Variants in ZNF804B observed in about 807,000 individuals in gnomAD.
ZNF804B encodes the protein zinc finger 804B.
ZNF804B carries 80 observed loss-of-function variants against 101.4 expected under a neutral mutation model. The observed-to-expected ratio is 0.79, with a 90% confidence interval of 0.66 to 0.95. ZNF804B has a LOEUF of 0.95. ZNF804B is among the 40% of genes least tolerant of loss of function. The pLI is 0.00. For synonymous variants in ZNF804B, 622 were observed against 558.8 expected (o/e 1.11, Z -1.59); for missense variants, 1,673 against 1,561.9 (o/e 1.07, Z -1.20).
chr7:88,861,308 T>C (rs942680640), intron 1 of ZNF804B, among the ~76,000 whole-genome samples: 8 of 152,042 alleles, frequency 5.3e-5, no homozygotes, highest in African/African-American at 1.7e-4. Flanking sequence ...AACATTTCCA[T>C]GGAATTAAAG....
intron 1 of ZNF804B, among the ~76,000 whole-genome samples, chr7:89,217,792 A>G (rs1462492666): frequency 6.6e-6 from 1 of 152,128 alleles, no homozygotes; most frequent in African/African-American, 2.4e-5. Flanking sequence ...TGAAGATAGA[A>G]TTGCATAGGA....
chr7:89,055,404 G>A (rs754602205), intron 1 of ZNF804B, among the ~76,000 whole-genome samples: 3 of 152,112 alleles, frequency 2.0e-5, no homozygotes, highest in South Asian at 2.1e-4. Flanking sequence ...TAGTTTGGAT[G>A]CTATATGGAA....
At chr7:89,251,095 A>G (rs1258909703) in intron 2 of ZNF804B, among the ~76,000 whole-genome samples, 1 of 152,210 alleles carries the variant, frequency 6.6e-6, no homozygotes, top group Non-Finnish European at 1.5e-5. Flanking sequence ...TTCCCAGAAT[A>G]ATCAGGCAAG....
At chr7:88,971,088 A>G (rs1442371687) in intron 1 of ZNF804B, among the ~76,000 whole-genome samples, 1 of 151,552 alleles carries the variant, frequency 6.6e-6, no homozygotes, top group Non-Finnish European at 1.5e-5. Flanking sequence ...TCACACTTCA[A>G]GCAATGGCAG....
chr7:89,253,794 A>G lies in ZNF804B; in HGVS notation c.249+35499A>G, dbSNP rs371703141. Among the ~76,000 whole-genome samples the G allele has an allele frequency of 2.7e-4, 41 of 152,254 alleles. 1 individual carries two copies. The South Asian group carries it at 8.3e-3, about 31-fold the overall frequency. ...TAGTAAATACGTTATTTGCATCTCAATCCATCAATTTAAAAAATAAAAATA... is the reference window on the plus strand; with the variant it reads ...TAGTAAATACGTTATTTGCATCTCAGTCCATCAATTTAAAAAATAAAAATA... On this transcript the variant is annotated intron_variant, in intron 2 of 3. Transcript: ENST00000333190.
intron 1 of ZNF804B, among the ~76,000 whole-genome samples, chr7:88,979,591 CTTTT>C (rs1377944548): frequency 7.2e-6 from 1 of 138,472 alleles, no homozygotes; most frequent in Non-Finnish European, 1.5e-5. Flanking sequence ...TCCTTTCTTT[CTTTT>C]TTCTTTTTCT....
intron 1 of ZNF804B, among the ~76,000 whole-genome samples, chr7:88,839,223 A>G (rs915544084): frequency 3.9e-5 from 6 of 151,956 alleles, no homozygotes; most frequent in African/African-American, 1.2e-4. Context: ...TCTCTGATCA[A>G]TTCTTGTGAT....
chr7:89,082,951 A>T (rs1172452449), intron 1 of ZNF804B, among the ~76,000 whole-genome samples: 1 of 151,746 alleles, frequency 6.6e-6, no homozygotes, highest in Non-Finnish European at 1.5e-5. Flanking sequence ...TATTATTGGC[A>T]CTTTGAAGAT....
At chr7:88,974,770 A>C (rs190502631) in intron 1 of ZNF804B, among the ~76,000 whole-genome samples, 317 of 151,500 alleles carry the variant, frequency 2.1e-3, no homozygotes, top group Middle Eastern at 3.4e-3. Context: ...ATCACCTCAA[A>C]TATTTACCAT....
intron 1 of ZNF804B, among the ~76,000 whole-genome samples, chr7:89,067,231 G>A (rs1789467574): frequency 1.3e-5 from 2 of 152,098 alleles, no homozygotes; most frequent in Non-Finnish European, 2.9e-5. Flanking sequence ...AAATCAACAG[G>A]GCAGGTGGTT....
chr7:89,295,654 T>G (rs1342078163), intron 2 of ZNF804B, among the ~76,000 whole-genome samples: 1 of 152,056 alleles, frequency 6.6e-6, no homozygotes, highest in Non-Finnish European at 1.5e-5. Context: ...AAAATACAGA[T>G]TATGTACACA....
intron 2 of ZNF804B, among the ~76,000 whole-genome samples, chr7:89,315,041 T>A (rs1409736643): frequency 1.3e-5 from 2 of 152,198 alleles, no homozygotes; most frequent in African/African-American, 4.8e-5. Flanking sequence ...TTCTGCAGAC[T>A]GCACAGGAAG....
chr7:88,906,865 T>G (rs183083911), intron 1 of ZNF804B, among the ~76,000 whole-genome samples: 75 of 152,208 alleles, frequency 4.9e-4, no homozygotes, highest in African/African-American at 1.7e-3. Flanking sequence ...TATAGCTGTT[T>G]AAGTCTTTTC....
chr7:88,877,907 C>T (rs946419282), intron 1 of ZNF804B, among the ~76,000 whole-genome samples: 2 of 152,094 alleles, frequency 1.3e-5, no homozygotes, highest in Admixed American at 6.6e-5. Context: ...GGAATTTATA[C>T]TTCTTCCTTA....
intron 1 of ZNF804B, among the ~76,000 whole-genome samples, chr7:89,204,743 T>G (rs972921061): frequency 3.3e-5 from 5 of 152,202 alleles, no homozygotes; most frequent in African/African-American, 1.2e-4. Flanking sequence ...TCAATGAAGG[T>G]AGGACTATTA....
At chr7:89,061,565 G>C (rs545652560) in intron 1 of ZNF804B, among the ~76,000 whole-genome samples, 42 of 152,246 alleles carry the variant, frequency 2.8e-4, no homozygotes, top group Non-Finnish European at 5.3e-4. Flanking sequence ...CCTAGAGGCA[G>C]CACTATTGTG....
chr7:88,832,878 A>G (rs1416574776), intron 1 of ZNF804B, among the ~76,000 whole-genome samples: 2 of 151,902 alleles, frequency 1.3e-5, no homozygotes, highest in Admixed American at 6.6e-5. Flanking sequence ...CAGGCCTGAT[A>G]GCCACATTGA....
At chr7:88,960,273 G>A (rs759405014) in intron 1 of ZNF804B, among the ~76,000 whole-genome samples, 10 of 151,168 alleles carry the variant, frequency 6.6e-5, no homozygotes, top group Non-Finnish European at 1.5e-4. Context: ...CACCCCTACC[G>A]TCAAAATGCT....
intron 1 of ZNF804B, among the ~76,000 whole-genome samples, chr7:88,919,937 A>T (rs1024638304): frequency 1.3e-5 from 2 of 152,114 alleles, no homozygotes; most frequent in Non-Finnish European, 2.9e-5. Flanking sequence ...TCTATCCTTC[A>T]GAGCAGTTCA....
Sources: allele counts gnomAD v4.1 joint callset (sites outside exome capture counted in the v4.1 genomes callset), GRCh38; gene constraint gnomAD v4.1.1; transcripts MANE v1.5; gene names NCBI Gene and HGNC (gene_info 2026-07-23, HGNC 2026-07-21).